FARP1: variants seen among roughly 807,000 people sequenced by gnomAD.
The protein encoded by FARP1 is FERM, ARHGEF and pleckstrin domain-containing protein 1.
FARP1 carries 52 observed loss-of-function variants against 128.8 expected under a neutral mutation model. The observed-to-expected ratio is 0.40, with a 90% CI of 0.32 to 0.51. FARP1 has a LOEUF of 0.51. Among genes scored for constraint, FARP1 ranks in the 20% least tolerant of loss-of-function variants. The pLI is 0.45. For synonymous variants in FARP1, 580 were observed against 551.8 expected (o/e 1.05, Z -0.72); for missense variants, 1,333 against 1,367.9 (o/e 0.97, Z 0.40).
At chr13:98,409,913 A>G (rs1167601658) in intron 14 of FARP1, among the ~76,000 whole-genome samples, 1 of 152,248 alleles carries the variant, frequency 6.6e-6, no homozygotes, top group African/African-American at 2.4e-5. Flanking sequence ...GATCATCCAT[A>G]TGTAGCATGG....
Position 98,213,352 on chromosome 13 carries a change from G to A in FARP1, c.110G>A (p.Gly37Glu). 1 of 1,614,094 alleles carries A rather than the reference G, an allele frequency of 6.2e-7. No individual in the cohort carries two copies. The highest frequency in any genetic ancestry group is 8.5e-7 in the Non-Finnish European group (1 of 1,180,014). Residue 37 changes from glycine (G) to glutamate (E), a missense_variant, in exon 2 of 27, where the codon GGA becomes GAA. By Grantham distance (98) the Gly-to-Glu change is moderately conservative. Coordinates refer to ENST00000319562, the MANE Select transcript of FARP1 (RefSeq NM_005766.4). ...RGQKPPPTPS[G>E]KLVSIKIQML... ...CAGAAGCCGCCCCCAACACCTTCAG[G>A]AAAACTCGTGTCCATCAAAATCCAG...
chr13:98,283,905 A>G (rs1178115971), intron 2 of FARP1, among the ~76,000 whole-genome samples: 3 of 152,226 alleles, frequency 2.0e-5, no homozygotes, highest in African/African-American at 7.2e-5. Context: ...CAAAGAAGGT[A>G]GGTTGTGTCC....
chr13:98,363,610 C>T (rs1434750315), intron 3 of FARP1, among the ~76,000 whole-genome samples: 2 of 152,254 alleles, frequency 1.3e-5, no homozygotes, highest in Admixed American at 6.5e-5. Context: ...AACTCCAGAC[C>T]GCTCCTATAA....
rs117982506 is a variant in FARP1, at chr13:98,321,293, C to T, written c.172-22469C>T. Among the ~76,000 whole-genome samples the T allele has an allele frequency of 9.4e-3, 1,425 of 152,244 alleles. 14 individuals carry two copies. The highest frequency in any genetic ancestry group is 0.014 in the Non-Finnish European group (964 of 68,028). ...CTGTGGAGTCGTGGAGAAACTCAGC[C>T]GGATCATCTCATGGCCAATGAGTTA... is the stretch of plus-strand genomic sequence containing the variant. On this transcript the variant is annotated intron_variant, in intron 2 of 26. Coordinates refer to ENST00000319562, the MANE Select transcript of FARP1 (RefSeq NM_005766.4).
intron 6 of FARP1, among the ~76,000 whole-genome samples, chr13:98,379,228 C>A (rs1207566000): frequency 8.2e-5 from 9 of 109,462 alleles, no homozygotes; most frequent in African/African-American, 2.7e-4. Context: ...TATAATCTAT[C>A]TATATATAAT....
chr13:98,212,357 G>A (rs1880776723), intron 1 of FARP1, among the ~76,000 whole-genome samples: 1 of 152,086 alleles, frequency 6.6e-6, no homozygotes, highest in South Asian at 2.1e-4. Flanking sequence ...TGCCTGGCTG[G>A]GATGTGACAT....
In FARP1 at chr13:98,176,242, C is replaced by T. The variant is rs1878010110; in HGVS notation, c.-24+32750C>T. 1.9e-6 allele frequency: 3 copies of T among 1,602,812 alleles called. No homozygotes were observed. The highest frequency in any genetic ancestry group is 2.2e-5 in the East Asian group (1 of 44,846). ...GGAAACCTAAGCCATGGGAATTGGACACTCATGGGGGTCTTCTGTGAAATG... is the reference window on the plus strand; with the variant it reads ...GGAAACCTAAGCCATGGGAATTGGATACTCATGGGGGTCTTCTGTGAAATG... On this transcript the variant is annotated intron_variant, in intron 1 of 26. Coordinates refer to ENST00000319562, the MANE Select transcript of FARP1 (RefSeq NM_005766.4). This position sits in a 1 kb window ranked among gnomAD's most constrained non-coding sequence, Gnocchi z 6.2.
intron 24 of FARP1, among the ~76,000 whole-genome samples, chr13:98,441,796 C>T (rs372911963): frequency 3.8e-4 from 58 of 152,188 alleles, no homozygotes; most frequent in African/African-American, 1.1e-3. Flanking sequence ...AGGAAAGGGG[C>T]GAGGCAGGAG....
intron 5 of FARP1, among the ~76,000 whole-genome samples, chr13:98,370,176 A>C (rs760558459): frequency 4.6e-5 from 7 of 152,262 alleles, no homozygotes; most frequent in Non-Finnish European, 7.3e-5. Flanking sequence ...AGAAGGAACC[A>C]TCAGTCATTT....
At chr13:98,173,503 T>C (rs1877788856) in intron 1 of FARP1, among the ~76,000 whole-genome samples, 1 of 152,182 alleles carries the variant, frequency 6.6e-6, no homozygotes, top group South Asian at 2.1e-4. Context: ...TTTTCAGGAT[T>C]TCAGAAGGCC....
intron 19 of FARP1, among the ~76,000 whole-genome samples, chr13:98,438,512 C>T (rs1358055525): frequency 6.6e-6 from 1 of 152,054 alleles, no homozygotes; most frequent in Non-Finnish European, 1.5e-5. Context: ...TGGTACCTGC[C>T]CTGTACCTTC....
chr13:98,189,445 T>G (rs1479939844), intron 1 of FARP1, among the ~76,000 whole-genome samples: 2 of 152,222 alleles, frequency 1.3e-5, no homozygotes, highest in Non-Finnish European at 2.9e-5. Flanking sequence ...TTTGGTCATT[T>G]TAACAGGCAG....
intron 13 of FARP1, chr13:98,401,636 G>C (rs1320048969): frequency 6.6e-6 from 1 of 151,528 alleles, no homozygotes; most frequent in African/African-American, 2.4e-5. Flanking sequence ...TGGGAGGAGG[G>C]GAGATAGCGT....
chr13:98,429,278 CAG>C lies in FARP1; in HGVS notation c.1906-1762_1906-1761del, dbSNP rs985539098. ...GGTCCTCAGCAGGGGTCACTGTGTGCAGAGTCTCTGGGTGCGAGAGTGTGCCG... is the reference window on the plus strand; with the variant it reads ...GGTCCTCAGCAGGGGTCACTGTGTGCAGTCTCTGGGTGCGAGAGTGTGCCG... On this transcript the variant is annotated intron_variant, in intron 17 of 26. Transcript: ENST00000319562. Among the ~76,000 whole-genome samples, 27 of 152,280 alleles carry C rather than the reference CAG, an allele frequency of 1.8e-4. 1 individual carries two copies. Among genetic ancestry groups the C allele is most frequent in the South Asian group, 4.1e-4 (2 of 4,822 alleles).
chr13:98,435,576 C>A lies in FARP1; in HGVS notation c.2144C>A (p.Ala715Asp). Residue 715 changes from alanine to aspartate, a missense_variant and splice_region_variant, in exon 19 of 27, where the codon GCC (alanine) becomes GAC (aspartate). Ala to Asp is a moderately radical substitution (Grantham distance 126). This residue lies in a region of FARP1 where 1,009 missense variants were observed against 969.8 expected (regional missense o/e 1.04). Coordinates refer to ENST00000319562, the MANE Select transcript of FARP1 (RefSeq NM_005766.4). Reference sequence around the variant, plus strand: ...GACTGTGTATGTCTTTCCTTCACAGCCGCTTTGGCAGAGATCACGGAGATG... The same window carrying A: ...GACTGTGTATGTCTTTCCTTCACAGACGCTTTGGCAGAGATCACGGAGATG... ...PSHADFRDCR[A>D]ALAEITEMVA... 6.2e-7 allele frequency: 1 copy of A among 1,608,982 alleles called. No homozygotes were observed. The highest frequency in any genetic ancestry group is 8.5e-7 in the Non-Finnish European group (1 of 1,177,052).
chr13:98,277,584 T>A (rs965890326), intron 2 of FARP1, among the ~76,000 whole-genome samples: 1 of 152,126 alleles, frequency 6.6e-6, no homozygotes, highest in South Asian at 2.1e-4. Flanking sequence ...GTGGTGGCGC[T>A]GGGAAAGGGG....
chr13:98,203,898 A>G lies in FARP1; in HGVS notation c.-23-9322A>G, dbSNP rs1446867562. ...TATATTCCTTCCAGCAACCAGCAGT[A>G]TATGAGTTTCAGATTTTTCACATTC... On this transcript the variant is annotated intron_variant, in intron 1 of 26. Coordinates refer to ENST00000319562, the MANE Select transcript of FARP1 (RefSeq NM_005766.4). The G allele has an allele frequency of 3.9e-5, 6 of 152,238 alleles. No individual in the cohort carries two copies. In the East Asian group the frequency reaches 5.8e-4, roughly 15 times the overall value. 9.4% of individuals were successfully genotyped at this position (152,238 alleles called of 1,614,324 possible). A position where few individuals can be genotyped will look rare whatever the true frequency, so the allele number is the denominator to read the frequency against.
chr13:98,186,397 C>A (rs927175783), intron 1 of FARP1, among the ~76,000 whole-genome samples: 1 of 152,218 alleles, frequency 6.6e-6, no homozygotes, highest in East Asian at 1.9e-4. Flanking sequence ...TGTGAGCCAC[C>A]GCGCCTGGCG....
chr13:98,389,806 G>C, intron 9 of FARP1, 151 bp from the exon 10 acceptor site: 1 of 672,372 alleles, frequency 1.5e-6, no homozygotes, highest in Non-Finnish European at 2.5e-6. Flanking sequence ...AATAACTAGA[G>C]TTTAGTAAGT....
Sources: allele counts gnomAD v4.1 joint callset (sites outside exome capture counted in the v4.1 genomes callset), GRCh38; gene constraint gnomAD v4.1.1; regional missense constraint gnomAD v4.1.1; non-coding constraint Gnocchi (gnomAD v3.1); transcripts MANE v1.5; gene names NCBI Gene and HGNC (gene_info 2026-07-23, HGNC 2026-07-21).